The following GABRG1 variants were observed in gnomAD, a reference collection of about 807,000 sequenced individuals.
GABRG1 encodes gamma-aminobutyric acid type A receptor subunit gamma1, also known as gamma-aminobutyric acid receptor subunit gamma-1.
GABRG1 carries 49 observed loss-of-function variants against 49.8 expected under a neutral mutation model. That is an observed-to-expected ratio of 0.98 (90% CI 0.78 to 1.25). The LOEUF is 1.25. Among genes scored for constraint, GABRG1 ranks in the 50% most tolerant of loss-of-function variants. The pLI is 0.00. For missense variants in GABRG1, 552 were observed against 552.3 expected (o/e 1.00, Z 0.01); for synonymous variants, 232 against 185.1 (o/e 1.25, Z -2.06).
chr4:46,050,328 C>A (rs1718167159), intron 8 of GABRG1, among the ~76,000 whole-genome samples: 1 of 151,730 alleles, frequency 6.6e-6, no homozygotes, highest in South Asian at 2.1e-4. Flanking sequence ...CCAGGTTTTT[C>A]TCTTGGAATA....
At chr4:46,113,853 T>C (rs1720793692) in intron 1 of GABRG1, among the ~76,000 whole-genome samples, 1 of 151,054 alleles carries the variant, frequency 6.6e-6, no homozygotes, top group Non-Finnish European at 1.5e-5. Context: ...TGATCTGTTG[T>C]TCATGACAAG....
At chr4:46,093,085 A>AT (rs1553882642) in intron 2 of GABRG1, among the ~76,000 whole-genome samples, 6 of 151,538 alleles carry the variant, frequency 4.0e-5, no homozygotes, top group African/African-American at 1.5e-4. Context: ...AAAAAAAAAA[A>AT]AAGTCAAATC....
At chr4:46,107,217 C>G (rs1720579983) in intron 1 of GABRG1, among the ~76,000 whole-genome samples, 1 of 151,032 alleles carries the variant, frequency 6.6e-6, no homozygotes, top group Non-Finnish European at 1.5e-5. Flanking sequence ...CTTTTCTCTC[C>G]TCTTGAATAT....
chr4:46,099,144 C>G (rs532720936), intron 1 of GABRG1, among the ~76,000 whole-genome samples: 1 of 151,724 alleles, frequency 6.6e-6, no homozygotes, highest in East Asian at 2.0e-4. Flanking sequence ...ATGCTTCTCA[C>G]CCTACTAACT....
rs541882672 is a variant in GABRG1, at chr4:46,089,713, A to G, written c.254-5660T>C. 1.2e-4 allele frequency among the ~76,000 whole-genome samples: 18 copies of G among 152,234 alleles called. No individual in the cohort carries two copies. In the South Asian group the frequency reaches 3.7e-3, roughly 32 times the overall value. On this transcript the variant is annotated intron_variant, in intron 2 of 8. Coordinates refer to ENST00000295452, the MANE Select transcript of GABRG1 (RefSeq NM_173536.4). ...CATGGTGGCTTCTGCCAGTAATCCC[A>G]GCACTTTGGGAGGCTGGGGCAGGCA...
intron 8 of GABRG1, 146 bp from the exon 9 acceptor site, chr4:46,041,400 T>C (rs919297534): frequency 1.4e-5 from 10 of 693,120 alleles, no homozygotes; most frequent in Admixed American, 3.2e-5. Flanking sequence ...AATTATAACA[T>C]GTTTTATATT....
Position 46,041,283 on chromosome 4 carries a change from C to T in GABRG1, c.1132-29G>A, listed in dbSNP as rs1459082663. 4 of 1,599,482 alleles carry T rather than the reference C, an allele frequency of 2.5e-6. No homozygotes were observed. The Admixed American group carries it at 6.9e-5, about 27-fold the overall frequency. On this transcript the variant is annotated intron_variant, in intron 8 of 8. Transcript: ENST00000295452. ...AGCACAATAATAAATGAATTTTTGA[C>T]ATCAAAAAAGTAGCATAAGGAAAGA...
chr4:46,092,040 G>A (rs1720008536), intron 2 of GABRG1, among the ~76,000 whole-genome samples: 1 of 151,946 alleles, frequency 6.6e-6, no homozygotes, highest in South Asian at 2.1e-4. Flanking sequence ...AGTTTGGAAA[G>A]GAAATAACAG....
intron 5 of GABRG1, among the ~76,000 whole-genome samples, chr4:46,063,792 G>A (rs1718803092): frequency 6.6e-6 from 1 of 152,022 alleles, no homozygotes; most frequent in Non-Finnish European, 1.5e-5. Flanking sequence ...CTGACAAAGG[G>A]CTAATATCCA....
rs1717573709 is a variant in GABRG1, at chr4:46,037,422, C to A, written c.*3566G>T. Reference sequence around the variant, plus strand: ...GCAGTAAAAAGCAATAAAGAATGACCAACAAAAATGGAAATACCAAGTATG... The same window carrying A: ...GCAGTAAAAAGCAATAAAGAATGACAAACAAAAATGGAAATACCAAGTATG... On this transcript the variant is annotated 3_prime_UTR_variant, in exon 9 of 9. Coordinates refer to ENST00000295452, the MANE Select transcript of GABRG1 (RefSeq NM_173536.4). 1 of 151,478 alleles carries A rather than the reference C, an allele frequency of 6.6e-6. No individual in the cohort carries two copies. The highest frequency in any genetic ancestry group is 2.4e-5 in the African/African-American group (1 of 41,288). 9.4% of individuals were successfully genotyped at this position (151,478 alleles called of 1,614,324 possible).
intron 8 of GABRG1, among the ~76,000 whole-genome samples, chr4:46,049,050 T>A (rs1718114418): frequency 6.6e-6 from 1 of 151,860 alleles, no homozygotes; most frequent in Admixed American, 6.6e-5. Context: ...ACATTTTTTT[T>A]AAAGGGAAAA....
chr4:46,113,860 C>T (rs1482318062), intron 1 of GABRG1, among the ~76,000 whole-genome samples: 1 of 150,888 alleles, frequency 6.6e-6, no homozygotes, highest in African/African-American at 2.4e-5. Context: ...TTGTTCATGA[C>T]AAGTTAGGTA....
At chr4:46,090,494 G>T (rs1177757506) in intron 2 of GABRG1, among the ~76,000 whole-genome samples, 1 of 151,930 alleles carries the variant, frequency 6.6e-6, no homozygotes, top group African/African-American at 2.4e-5. Context: ...TAGGAATATA[G>T]TGATTTATAG....
At chr4:46,066,839 T>G (rs1039641386) in intron 3 of GABRG1, among the ~76,000 whole-genome samples, 1 of 151,098 alleles carries the variant, frequency 6.6e-6, no homozygotes, top group African/African-American at 2.4e-5. Context: ...AATATACATA[T>G]ATATTATATA....
intron 5 of GABRG1, among the ~76,000 whole-genome samples, chr4:46,061,685 TAAATAAAAGCATTTTA>T (rs1426256573): frequency 2.8e-4 from 43 of 151,890 alleles, no homozygotes; most frequent in African/African-American, 9.9e-4. Context: ...TTTTTTAGGA[TAAATAAAAGCATTTTA>T]ATATAACTGA....
intron 8 of GABRG1, among the ~76,000 whole-genome samples, chr4:46,046,598 A>T (rs1718007971): frequency 6.6e-6 from 1 of 152,068 alleles, no homozygotes. Context: ...ACAAATGTTT[A>T]TTCAATAGGC....
At chr4:46,091,546 T>C (rs1719990919) in intron 2 of GABRG1, among the ~76,000 whole-genome samples, 1 of 152,000 alleles carries the variant, frequency 6.6e-6, no homozygotes, top group Non-Finnish European at 1.5e-5. Context: ...GAAGAAAAGA[T>C]TGCAAATATT....
In GABRG1 at chr4:46,064,518, G is replaced by A. The variant is rs761664001; in HGVS notation, c.548C>T (p.Thr183Ile). The A allele has an allele frequency of 2.0e-6, 3 of 1,486,658 alleles. No homozygotes were observed. Among genetic ancestry groups the A allele is most frequent in the Non-Finnish European group, 2.7e-6 (3 of 1,100,462 alleles). 92.1% of individuals were successfully genotyped at this position (1,486,658 alleles called of 1,614,324 possible). Reference protein sequence around the residue: ...DGRVLYTLRLTINAECYLQLH... With the variant: ...DGRVLYTLRLIINAECYLQLH... ...CTGAAGATAACATTCTGCATTAATT[G>A]TCAATCTATTTAGATGGAAAGAAAA... Residue 183 changes from threonine to isoleucine, a missense_variant, in exon 5 of 9, where the codon ACA (threonine) becomes ATA (isoleucine). Thr to Ile is a moderately conservative substitution (Grantham distance 89). Transcript: ENST00000295452.
chr4:46,110,992 T>C (rs1358345702), intron 1 of GABRG1, among the ~76,000 whole-genome samples: 1 of 151,106 alleles, frequency 6.6e-6, no homozygotes, highest in African/African-American at 2.4e-5. Context: ...CTAGAAATGC[T>C]AGCCAGAGCA....
Sources: allele counts gnomAD v4.1 joint callset (sites outside exome capture counted in the v4.1 genomes callset), GRCh38; gene constraint gnomAD v4.1.1; transcripts MANE v1.5; gene names NCBI Gene and HGNC (gene_info 2026-07-23, HGNC 2026-07-21).